The following SUSD1 variants were observed in gnomAD, a reference collection of about 807,000 sequenced individuals.
SUSD1 encodes the protein sushi domain containing 1, also known as sushi domain-containing protein 1.
A neutral mutation model predicts 86.9 loss-of-function variants in SUSD1; 65 were observed. The observed-to-expected ratio is 0.75, with a 90% CI of 0.61 to 0.92. The LOEUF (loss-of-function observed/expected upper bound fraction) is 0.92, where lower values mean the gene tolerates loss of function less well. Ranked by LOEUF, SUSD1 falls within the 40% of genes least tolerant of loss-of-function variation. The probability of loss-of-function intolerance (pLI) is 0.00; values close to 1 mark genes in which losing one functional copy is unlikely to be tolerated. For missense variants in SUSD1, 850 were observed against 929.7 expected, an observed-to-expected ratio of 0.91 and a Z score of 1.11; for synonymous variants, 346 against 350.0, an observed-to-expected ratio of 0.99 and a Z score of 0.13.
rs140763011 is a variant in SUSD1, at chr9:112,121,272, C to T, written c.886+2985G>A. 2.1e-3 allele frequency among the ~76,000 whole-genome samples: 316 copies of T among 151,916 alleles called. 3 individuals are homozygous for T. Among genetic ancestry groups the T allele is most frequent in the African/African-American group, 7.3e-3 (302 of 41,484 alleles). On this transcript the variant is annotated intron_variant, in intron 6 of 16. Transcript: ENST00000374270. The stretch of plus-strand genomic sequence containing the variant: ...TCTCTGGCCTACATCCTCTTGAATT[C>T]GCGATGGAGATAACCAAATATAGGA...
chr9:112,137,358 A>C (rs980681851), intron 5 of SUSD1, among the ~76,000 whole-genome samples: 1 of 152,162 alleles, frequency 6.6e-6, no homozygotes, highest in African/African-American at 2.4e-5. Context: ...TTTAAATAAC[A>C]GTTCTTTGGG....
Position 112,098,625 on chromosome 9 carries a change from A to T in SUSD1, c.1319T>A (p.Phe440Tyr). The change falls in exon 10 of 17, where the codon TTT becomes TAT. Residue 440 changes from phenylalanine (F) to tyrosine (Y), a missense_variant. Coordinates refer to ENST00000374270, the MANE Select transcript of SUSD1 (RefSeq NM_022486.5). ...GAAGTTAAACGATGTTGCATGAGAAAAGTTAGCCAGATACCACCTCTGACC... is the reference window on the plus strand; with the variant it reads ...GAAGTTAAACGATGTTGCATGAGAATAGTTAGCCAGATACCACCTCTGACC... ...VLGQRWYLAN[F>Y]SHATSFNFTT... 1 of 1,614,202 alleles carries T rather than the reference A, an allele frequency of 6.2e-7. No individual in the cohort carries two copies. The highest frequency in any genetic ancestry group is 1.1e-5 in the South Asian group (1 of 91,088).
At chr9:112,056,464 T>C (rs533229775) in intron 14 of SUSD1, among the ~76,000 whole-genome samples, 21 of 152,342 alleles carry the variant, frequency 1.4e-4, no homozygotes, top group Admixed American at 5.2e-4. Flanking sequence ...TTATATTGTA[T>C]ATGTTTTATC....
At chr9:112,086,430 G>GA (rs1195249476) in intron 10 of SUSD1, among the ~76,000 whole-genome samples, 3 of 151,446 alleles carry the variant, frequency 2.0e-5, no homozygotes, top group Non-Finnish European at 4.4e-5. Flanking sequence ...GTGTGAAATA[G>GA]AAAAGAGGGA....
intron 14 of SUSD1, among the ~76,000 whole-genome samples, chr9:112,053,193 A>T (rs1554751732): frequency 3.3e-5 from 5 of 150,002 alleles, no homozygotes; most frequent in Non-Finnish European, 4.5e-5. Flanking sequence ...GATTTTATTA[A>T]TTTTTTTTTT....
intron 2 of SUSD1, among the ~76,000 whole-genome samples, chr9:112,153,577 T>A (rs577968276): frequency 2.5e-4 from 38 of 151,674 alleles, no homozygotes; most frequent in Admixed American, 2.4e-3. Context: ...AGTAATATAA[T>A]CATTTATTGT....
intron 2 of SUSD1, among the ~76,000 whole-genome samples, chr9:112,150,006 A>G (rs1864360): frequency 0.46 from 69,679 of 152,146 alleles, 16,737 homozygotes; most frequent in African/African-American, 0.61. Flanking sequence ...AAGCTTGCCC[A>G]GAGTGTTTTT....
intron 15 of SUSD1, among the ~76,000 whole-genome samples, chr9:112,051,231 A>C: frequency 6.6e-6 from 1 of 152,120 alleles, no homozygotes. Context: ...AGATTACTTA[A>C]ATAGAGCACA....
chr9:112,067,498 G>A (rs1223656268), intron 12 of SUSD1, among the ~76,000 whole-genome samples: 1 of 152,242 alleles, frequency 6.6e-6, no homozygotes, highest in African/African-American at 2.4e-5. Context: ...GTATTCTGTG[G>A]AAAGGCAGAA....
chr9:112,061,509 G>A (rs572129761), intron 13 of SUSD1, among the ~76,000 whole-genome samples: 14 of 152,314 alleles, frequency 9.2e-5, no homozygotes, highest in Non-Finnish European at 1.9e-4. Context: ...ACAAGGGTAA[G>A]CTGTCATTTG....
chr9:112,086,949 TAACA>T (rs1273579824), intron 10 of SUSD1, among the ~76,000 whole-genome samples: 1 of 151,118 alleles, frequency 6.6e-6, no homozygotes, highest in Non-Finnish European at 1.5e-5. Context: ...TCCTGGGAAT[TAACA>T]GACAAAAGCA....
chr9:112,175,207 G>A lies in SUSD1; in HGVS notation c.29C>T (p.Pro10Leu), dbSNP rs1034829143. MGRGPWDAG[P>L]SRRLLPLLLL... ...CAACAGCGGCAGCAGGCGGCGAGAC[G>A]GGCCCGCATCCCAGGGCCCCCGGCC... Residue 10 changes from proline (P) to leucine (L), a missense_variant, in exon 1 of 17, where the codon CCG (proline) becomes CTG (leucine). Transcript: ENST00000374270. This position sits in a 1 kb window ranked among gnomAD's most constrained non-coding sequence, Gnocchi z 4.7. 2.6e-6 allele frequency: 3 copies of A among 1,153,982 alleles called. No homozygotes were observed. Among genetic ancestry groups the A allele is most frequent in the African/African-American group, 1.7e-5 (1 of 60,232 alleles). 71.5% of individuals were successfully genotyped at this position (1,153,982 alleles called of 1,614,324 possible).
intron 1 of SUSD1, among the ~76,000 whole-genome samples, chr9:112,166,823 G>A (rs73658019): frequency 0.013 from 1,988 of 152,240 alleles, 41 homozygotes; most frequent in African/African-American, 0.045. Flanking sequence ...AGAGGTGAGG[G>A]ACCCCGAGGG....
chr9:112,126,057 T>A (rs1331050183), intron 5 of SUSD1, among the ~76,000 whole-genome samples: 2 of 152,236 alleles, frequency 1.3e-5, no homozygotes, highest in Non-Finnish European at 2.9e-5. Flanking sequence ...CCTTTAGACG[T>A]ATTTAATGGC....
intron 10 of SUSD1, among the ~76,000 whole-genome samples, chr9:112,092,973 A>G (rs540429785): frequency 4.1e-4 from 63 of 152,328 alleles, no homozygotes; most frequent in African/African-American, 1.3e-3. Flanking sequence ...TGGTAAATTA[A>G]CCAAGAAATT....
At chr9:112,073,657 G>A (rs1829388622) in intron 12 of SUSD1, among the ~76,000 whole-genome samples, 1 of 151,892 alleles carries the variant, frequency 6.6e-6, no homozygotes, top group South Asian at 2.1e-4. Context: ...GAGGCTAAGG[G>A]CAGGCAGATC....
At chr9:112,083,404 T>C (rs574027655) in intron 10 of SUSD1, among the ~76,000 whole-genome samples, 2 of 152,066 alleles carry the variant, frequency 1.3e-5, no homozygotes, top group African/African-American at 2.4e-5. Context: ...ATTGTTGTAT[T>C]TGTAGTAGAA....
At chr9:112,134,334 T>C (rs538490399) in intron 5 of SUSD1, among the ~76,000 whole-genome samples, 7 of 152,172 alleles carry the variant, frequency 4.6e-5, no homozygotes, top group African/African-American at 7.2e-5. Context: ...CAGTGGTGGA[T>C]TGGATAAAGA....
chr9:112,128,313 T>C (rs1037037772), intron 5 of SUSD1, among the ~76,000 whole-genome samples: 1 of 152,058 alleles, frequency 6.6e-6, no homozygotes, highest in East Asian at 1.9e-4. Context: ...AGGCTGATCT[T>C]GAACTCCTGA....
Sources: allele counts gnomAD v4.1 joint callset (sites outside exome capture counted in the v4.1 genomes callset), GRCh38; gene constraint gnomAD v4.1.1; non-coding constraint Gnocchi (gnomAD v3.1); transcripts MANE v1.5; gene names NCBI Gene and HGNC (gene_info 2026-07-23, HGNC 2026-07-21).